BBS2: variants seen among roughly 807,000 people sequenced by gnomAD.
The protein encoded by BBS2 is BBSome complex member BBS2.
Under a neutral mutation model 83.0 loss-of-function variants are expected in BBS2, and 62 were observed. The ratio of observed to expected loss-of-function variants is 0.75; its 90% confidence interval spans 0.61 to 0.92. BBS2 has a LOEUF of 0.92. BBS2 is among the 40% of genes least tolerant of loss of function. BBS2 has a pLI of 0.00. For missense variants in BBS2, 784 were observed against 901.0 expected, an observed-to-expected ratio of 0.87 and a Z score of 1.66; for synonymous variants, 303 against 326.1, an observed-to-expected ratio of 0.93 and a Z score of 0.76.
At chr16:56,519,700 C>T (rs1167739009) in intron 1 of BBS2, 46 bp downstream of exon 1, 1 of 1,493,688 alleles carries the variant, frequency 6.7e-7, no homozygotes, top group South Asian at 1.1e-5. Flanking sequence ...GGCGGAGATC[C>T]TGTGGTTCCC....
At chr16:56,515,665 C>CCTA (rs1964718672) in intron 1 of BBS2, among the ~76,000 whole-genome samples, 2 of 152,172 alleles carry the variant, frequency 1.3e-5, no homozygotes, top group African/African-American at 4.8e-5. Flanking sequence ...TAAATTAACA[C>CCTA]CTACCCAAGG....
intron 15 of BBS2, 110 bp downstream of exon 15, chr16:56,496,857 C>T: frequency 1.2e-6 from 1 of 865,358 alleles, no homozygotes; most frequent in African/African-American, 1.6e-5. Context: ...AAGTTATTTT[C>T]CAAAGTCACT....
At chr16:56,490,203 C>T (rs192987580) in intron 15 of BBS2, among the ~76,000 whole-genome samples, 1 of 151,934 alleles carries the variant, frequency 6.6e-6, no homozygotes. Flanking sequence ...AATGATAAAA[C>T]TGAGTTTATT....
chr16:56,472,064 C>T (rs1178286953), intron 17 of BBS2, among the ~76,000 whole-genome samples: 2 of 152,098 alleles, frequency 1.3e-5, no homozygotes, highest in African/African-American at 2.4e-5. Context: ...TAGGCTCGAG[C>T]GATCCTTCTG....
intron 15 of BBS2, among the ~76,000 whole-genome samples, chr16:56,490,363 A>G (rs1199637140): frequency 3.3e-5 from 5 of 152,040 alleles, no homozygotes; most frequent in African/African-American, 1.2e-4. Context: ...ATGTAAAAGT[A>G]TTAAGAAAAT....
In BBS2 at chr16:56,500,624, C is replaced by CA. The variant is rs1304358431; in HGVS notation, c.1397+229dup. On this transcript the variant is annotated intron_variant, in intron 11 of 16. Coordinates refer to ENST00000245157, the MANE Select transcript of BBS2 (RefSeq NM_031885.5). ...TGGGTGACAAAGCTAGAATCTGTCT[C>CA]AAAAAAAAAAAAAAAAAAAGAACCA... 0.079 allele frequency: 23,114 copies of CA among 293,168 alleles called. 202 individuals are homozygous for CA. The highest frequency in any genetic ancestry group is 0.17 in the African/African-American group (4,113 of 23,770). 18.2% of individuals were successfully genotyped at this position (293,168 alleles called of 1,614,324 possible).
At position 56,511,158 on chromosome 16, in the gene BBS2, C is replaced by G. The variant is rs1555523584; in HGVS notation, c.471+1G>C. The G allele has an allele frequency of 3.1e-6, 5 of 1,613,970 alleles. No individual in the cohort carries two copies. Among genetic ancestry groups the G allele is most frequent in the Non-Finnish European group, 4.2e-6 (5 of 1,180,010 alleles). On this transcript the variant is annotated splice_donor_variant, in intron 3 of 16. Transcript: ENST00000245157. LOFTEE classifies it high-confidence loss of function. ...CAAAAAGAATGTTTTCTTCTTCATA[C>G]CGTCCAAAAGAGATCACTTCCTTCA...
At chr16:56,496,919 G>T in intron 15 of BBS2, 48 bp downstream of exon 15, 3 of 1,304,448 alleles carry the variant, frequency 2.3e-6, no homozygotes, top group Non-Finnish European at 3.3e-6. Flanking sequence ...ATTCCATACT[G>T]CTCACATTTT....
chr16:56,514,711 T>C, intron 1 of BBS2, 31 bp from the exon 2 acceptor site: 1 of 1,496,820 alleles, frequency 6.7e-7, no homozygotes, highest in Non-Finnish European at 9.2e-7. Context: ...TACATTCCCT[T>C]AAAATATAAA....
At chr16:56,517,065 TC>T (rs1403600783) in intron 1 of BBS2, among the ~76,000 whole-genome samples, 2 of 151,924 alleles carry the variant, frequency 1.3e-5, no homozygotes, top group Non-Finnish European at 2.9e-5. Context: ...TGCCTTCCAC[TC>T]CAGGTCACAC....
Position 56,500,924 on chromosome 16 carries a change from T to C in BBS2, c.1327A>G (p.Ile443Val). The C allele has an allele frequency of 3.1e-6, 5 of 1,614,168 alleles. No homozygotes were observed. Among genetic ancestry groups the C allele is most frequent in the Non-Finnish European group, 3.4e-6 (4 of 1,180,012 alleles). Residue 443 changes from isoleucine to valine, a missense_variant, in exon 11 of 17, where the codon ATC becomes GTC. By Grantham distance (29) the Ile-to-Val change is conservative. Coordinates refer to ENST00000245157, the MANE Select transcript of BBS2 (RefSeq NM_031885.5). ...SIHNLSSSIC[I>V]PIVPPKDVPV... ...ACATCTTTGGGAGGCACAATAGGGA[T>C]GCAGATGGAACTGGAGAGGTTGTGA...
chr16:56,480,712 G>A (rs1567561946), downstream of BBS2, among the ~76,000 whole-genome samples: 1 of 152,132 alleles, frequency 6.6e-6, no homozygotes, highest in African/African-American at 2.4e-5. Flanking sequence ...TCAACACCAT[G>A]ACATACTTAA....
intron 15 of BBS2, among the ~76,000 whole-genome samples, chr16:56,489,962 C>T (rs890534860): frequency 3.3e-5 from 5 of 151,560 alleles, no homozygotes; most frequent in Admixed American, 3.3e-4. Flanking sequence ...TGGGTCTACA[C>T]AAAAATTAGC....
At chr16:56,500,127 T>A (rs1964225435) in intron 11 of BBS2, 1 of 511,024 alleles carries the variant, frequency 2.0e-6, no homozygotes, top group South Asian at 2.0e-5. Flanking sequence ...CTGCATGCAC[T>A]AAGGGTTTAA....
intron 7 of BBS2, among the ~76,000 whole-genome samples, chr16:56,503,935 G>T (rs1597018092): frequency 6.9e-6 from 1 of 144,700 alleles, no homozygotes; most frequent in South Asian, 2.2e-4. Flanking sequence ...AAAAAAAAAA[G>T]ATGATTATGT....
chr16:56,513,581 A>C (rs1232963335), intron 2 of BBS2, among the ~76,000 whole-genome samples: 1 of 152,256 alleles, frequency 6.6e-6, no homozygotes, highest in Non-Finnish European at 1.5e-5. Context: ...AAGAAAAAGA[A>C]GGCAGTCACA....
chr16:56,495,756 G>GTGTGT (rs1555521292), intron 15 of BBS2, among the ~76,000 whole-genome samples: 1 of 131,764 alleles, frequency 7.6e-6, no homozygotes. Context: ...TTATACAGAC[G>GTGTGT]TGTGTATATA....
Position 56,493,244 on chromosome 16 carries a change from G to A in BBS2, c.1910+3723C>T, listed in dbSNP as rs149803065. On this transcript the variant is annotated intron_variant, in intron 15 of 16. Coordinates refer to ENST00000245157, the MANE Select transcript of BBS2 (RefSeq NM_031885.5). ...TCTACAAAAAAATAAAAAATTAGCC[G>A]GGCTGGTGGCTCATGCCTTTAGTCC... 1.6e-3 allele frequency among the ~76,000 whole-genome samples: 243 copies of A among 151,948 alleles called. 2 individuals carry two copies. Among genetic ancestry groups the A allele is most frequent in the African/African-American group, 5.6e-3 (234 of 41,460 alleles).
downstream of BBS2, among the ~76,000 whole-genome samples, chr16:56,481,073 T>C (rs144318947): frequency 8.5e-5 from 13 of 152,246 alleles, no homozygotes; most frequent in African/African-American, 2.2e-4. Flanking sequence ...GGAGGTAATT[T>C]AGTTCTATAA....
Sources: allele counts gnomAD v4.1 joint callset (sites outside exome capture counted in the v4.1 genomes callset), GRCh38; gene constraint gnomAD v4.1.1; transcripts MANE v1.5; gene names NCBI Gene and HGNC (gene_info 2026-07-23, HGNC 2026-07-21).